The following DUOX1 variants were observed in gnomAD, a reference collection of about 807,000 sequenced individuals.
DUOX1 encodes NADPH thyroid oxidase 1.
In DUOX1, 134 loss-of-function variants were observed where a neutral mutation model predicts 181.8. That is an observed-to-expected ratio of 0.74 (90% CI 0.64 to 0.85). The LOEUF (loss-of-function observed/expected upper bound fraction) is 0.85, where lower values mean the gene tolerates loss of function less well. Among genes scored for constraint, DUOX1 ranks in the 40% least tolerant of loss-of-function variants. DUOX1 has a pLI of 0.00. For synonymous variants in DUOX1, 798 were observed against 832.5 expected (o/e 0.96, Z 0.71); for missense variants, 1,814 against 2,064.4 (o/e 0.88, Z 2.35).
intron 11 of DUOX1, 78 bp from the exon 12 acceptor site, chr15:45,139,349 G>C (rs1422692387): frequency 8.8e-6 from 14 of 1,589,558 alleles, no homozygotes; most frequent in Non-Finnish European, 1.1e-5. Flanking sequence ...CCTGGGGCTG[G>C]TTGGAGCTTG....
chr15:45,156,653 G>A (rs911953033), intron 28 of DUOX1, among the ~76,000 whole-genome samples: 4 of 152,050 alleles, frequency 2.6e-5, no homozygotes, highest in East Asian at 1.9e-4. Context: ...GGCTGGTCTC[G>A]AATTCCTGAC....
intron 18 of DUOX1, among the ~76,000 whole-genome samples, chr15:45,146,033 A>G (rs901783784): frequency 7.2e-5 from 11 of 152,232 alleles, no homozygotes; most frequent in Non-Finnish European, 7.3e-5. Context: ...TGAAGGCTAC[A>G]AAAGTGATTC....
At chr15:45,141,564 C>T (rs957480234) in intron 14 of DUOX1, among the ~76,000 whole-genome samples, 154 bp downstream of exon 14, 5 of 152,012 alleles carry the variant, frequency 3.3e-5, no homozygotes, top group African/African-American at 1.2e-4. Flanking sequence ...GGTGCCAGGG[C>T]CACCACTTGC....
chr15:45,146,612 G>A (rs967135624), intron 18 of DUOX1, among the ~76,000 whole-genome samples: 2 of 152,216 alleles, frequency 1.3e-5, no homozygotes, highest in Admixed American at 6.5e-5. Flanking sequence ...CCAGGCAACC[G>A]AAGAGACTTG....
chr15:45,144,751 G>C, intron 17 of DUOX1, 144 bp from the exon 18 acceptor site: 1 of 843,266 alleles, frequency 1.2e-6, no homozygotes, highest in South Asian at 1.7e-5. Flanking sequence ...TAACCCTACT[G>C]AGCCCCTTTC....
At chr15:45,164,388 A>G (rs1897178266) in intron 33 of DUOX1, among the ~76,000 whole-genome samples, 1 of 152,058 alleles carries the variant, frequency 6.6e-6, no homozygotes, top group Non-Finnish European at 1.5e-5. Flanking sequence ...CACTTAGCAA[A>G]ATTCCACTAG....
intron 9 of DUOX1, among the ~76,000 whole-genome samples, chr15:45,137,271 A>G (rs1193580420): frequency 6.7e-6 from 1 of 149,566 alleles, no homozygotes; most frequent in Non-Finnish European, 1.5e-5. Flanking sequence ...GAGGCAGAAG[A>G]ATCGCTTGAA....
intron 28 of DUOX1, among the ~76,000 whole-genome samples, chr15:45,158,597 G>C (rs1897019520): frequency 6.6e-6 from 1 of 151,412 alleles, no homozygotes; most frequent in South Asian, 2.1e-4. Flanking sequence ...AGCTACTCGG[G>C]AGGCTGAGGC....
At chr15:45,141,875 A>G (rs1896502205) in intron 14 of DUOX1, 100 bp from the exon 15 acceptor site, 7 of 1,380,016 alleles carry the variant, frequency 5.1e-6, no homozygotes, top group Non-Finnish European at 6.9e-6. Context: ...AGCTACCCAG[A>G]GTGCCCCCAC....
intron 9 of DUOX1, among the ~76,000 whole-genome samples, chr15:45,136,885 G>A (rs1050872138): frequency 2.6e-5 from 4 of 152,078 alleles, no homozygotes; most frequent in Non-Finnish European, 5.9e-5. Flanking sequence ...AAGGTTCAGA[G>A]GGTGTCACAA....
chr15:45,163,932 A>G lies in DUOX1; in HGVS notation c.4533+14A>G. ...GTCCACCCCCAGGTCAGTCCAACCC[A>G]TAACCAGGTTCTCTTCCTCTTTATC... On this transcript the variant is annotated intron_variant, in intron 33 of 33. Coordinates refer to ENST00000389037, the MANE Select transcript of DUOX1 (RefSeq NM_175940.3). The G allele has an allele frequency of 6.2e-7, 1 of 1,612,354 alleles. No homozygotes were observed. Among genetic ancestry groups the G allele is most frequent in the Non-Finnish European group, 8.5e-7 (1 of 1,178,866 alleles).
intron 31 of DUOX1, among the ~76,000 whole-genome samples, chr15:45,163,305 C>T (rs1192585517): frequency 6.6e-6 from 1 of 152,212 alleles, no homozygotes; most frequent in Non-Finnish European, 1.5e-5. Context: ...ACCAAGGGAT[C>T]TTTCCCATGG....
chr15:45,139,992 C>T lies in DUOX1; in HGVS notation c.1389+393C>T, dbSNP rs759521721. 7.9e-5 allele frequency: 82 copies of T among 1,038,538 alleles called. No individual in the cohort carries two copies. The Middle Eastern group carries it at 1.1e-3, about 14-fold the overall frequency. 64.3% of individuals were successfully genotyped at this position (1,038,538 alleles called of 1,614,324 possible). On this transcript the variant is annotated intron_variant, in intron 12 of 33. Transcript: ENST00000389037. ...TCAGCTGTTACACCCTGAGCTACCACCTGGACTGGTGGCCCAGGCCAAGGT... is the reference window on the plus strand; with the variant it reads ...TCAGCTGTTACACCCTGAGCTACCATCTGGACTGGTGGCCCAGGCCAAGGT...
chr15:45,145,918 TAA>T lies in DUOX1; in HGVS notation c.2322+850_2322+851del, dbSNP rs10713694. On this transcript the variant is annotated intron_variant, in intron 18 of 33. Transcript: ENST00000389037. The stretch of plus-strand genomic sequence containing the variant: ...CAACAGAGTAAGACTCCATCTCAGT[TAA>T]AAAAAAAAAAAGATAAATACAGCAT... 3.3e-4 allele frequency among the ~76,000 whole-genome samples: 48 copies of T among 145,574 alleles called. 1 individual carries two copies. The highest frequency in any genetic ancestry group is 1.9e-3 in the Admixed American group (28 of 14,666).
intron 28 of DUOX1, among the ~76,000 whole-genome samples, chr15:45,158,060 A>C (rs1285317602): frequency 6.6e-6 from 1 of 152,180 alleles, no homozygotes; most frequent in East Asian, 1.9e-4. Flanking sequence ...CAGGCAGAAG[A>C]GGGCAGGGCT....
chr15:45,133,440 G>A (rs2141250476), intron 2 of DUOX1, among the ~76,000 whole-genome samples: 1 of 152,282 alleles, frequency 6.6e-6, no homozygotes, highest in Middle Eastern at 3.4e-3. Flanking sequence ...CCGGTATGGA[G>A]TGTGGCTGGC....
chr15:45,165,087 CAGCCTGG>C lies in DUOX1; in HGVS notation c.*189_*195del. 1 of 629,138 alleles carries C rather than the reference CAGCCTGG, an allele frequency of 1.6e-6. No homozygotes were observed. Among genetic ancestry groups the C allele is most frequent in the Non-Finnish European group, 2.8e-6 (1 of 363,594 alleles). The allele number at this position is 629,138 out of a possible 1,614,324, so 39.0% of individuals were successfully genotyped here. ...GGACCCCCAGGACCAGGATGTGTCT[CAGCCTGG>C]AGAAATGGTGGGGGGGCAGTGTCTA... On this transcript the variant is annotated 3_prime_UTR_variant, in exon 34 of 34. Transcript: ENST00000389037.
At position 45,155,880 on chromosome 15, in the gene DUOX1, T is replaced by A. The variant is rs755924828; in HGVS notation, c.3653T>A (p.Phe1218Tyr). The A allele has an allele frequency of 1.9e-6, 3 of 1,614,126 alleles. No homozygotes were observed. The highest frequency in any genetic ancestry group is 3.3e-5 in the Admixed American group (2 of 60,016). The change falls in exon 28 of 34, where the codon TTC becomes TAC. Residue 1218 changes from phenylalanine (F) to tyrosine (Y), a missense_variant. Around this residue, in one of 5 missense-constraint regions of DUOX1, gnomAD observed 279 missense variants for 381.9 expected, o/e 0.73. Transcript: ENST00000389037. ...TCCCACCACTTCCGCCGCCGCAGTT[T>A]CCGGGGCTTCTGGCTGACCCACCAC... ...FASHHFRRRS[F>Y]RGFWLTHHLY...
intron 25 of DUOX1, chr15:45,153,083 TG>T: frequency 2.7e-6 from 1 of 370,860 alleles, no homozygotes; most frequent in Non-Finnish European, 5.0e-6. Context: ...CAGCTGGGTG[TG>T]GTGGCACATG....
Sources: gnomAD v4.1 joint callset for allele counts (sites outside exome capture counted in the v4.1 genomes callset) on GRCh38, gnomAD v4.1.1 for gene constraint, gnomAD v4.1.1 regional missense constraint, MANE v1.5 for transcripts, NCBI Gene and HGNC (gene_info 2026-07-23, HGNC 2026-07-21) for gene names.